The following DHRSX variants were observed in gnomAD, a reference collection of about 807,000 sequenced individuals.
DHRSX encodes polyprenol dehydrogenase.
Under a neutral mutation model 34.0 loss-of-function variants are expected in DHRSX, and 31 were observed. The ratio of observed to expected loss-of-function variants is 0.91; its 90% CI spans 0.69 to 1.23. The LOEUF is 1.23. Among genes scored for constraint, DHRSX ranks in the 50% most tolerant of loss-of-function variants. DHRSX has a pLI of 0.00. For synonymous variants in DHRSX, 201 were observed against 183.8 expected (o/e 1.09, Z -0.76); for missense variants, 414 against 428.1 (o/e 0.97, Z 0.29).
At chrX:2,242,127 T>C (rs1227718253) in intron 6 of DHRSX, among the ~76,000 whole-genome samples, 2 of 152,114 alleles carry the variant, frequency 1.3e-5, no homozygotes, top group African/African-American at 2.4e-5. Flanking sequence ...TTCTCCTCCA[T>C]GGATGAGAAT....
At chrX:2,445,482 G>A (rs2044118389) in intron 1 of DHRSX, among the ~76,000 whole-genome samples, 2 of 151,870 alleles carry the variant, frequency 1.3e-5, no homozygotes, top group African/African-American at 2.4e-5. Flanking sequence ...AATGGTATTT[G>A]CTACTATCTG....
chrX:2,462,995 C>T (rs1451241030), intron 1 of DHRSX, among the ~76,000 whole-genome samples: 2 of 152,024 alleles, frequency 1.3e-5, no homozygotes, highest in Non-Finnish European at 2.9e-5. Context: ...GGATCACTGT[C>T]CTTATAAAAG....
chrX:2,351,814 G>A (rs866385155), intron 3 of DHRSX, among the ~76,000 whole-genome samples: 42 of 152,258 alleles, frequency 2.8e-4, no homozygotes, highest in Non-Finnish European at 1.6e-4. Flanking sequence ...CCACCTCCTC[G>A]ATTCAAGCGA....
intron 3 of DHRSX, among the ~76,000 whole-genome samples, chrX:2,346,665 G>GTTC (rs2042718262): frequency 6.6e-6 from 1 of 150,632 alleles, no homozygotes; most frequent in Non-Finnish European, 1.5e-5. Flanking sequence ...TGTTGTTGTT[G>GTTC]TTTAATACTT....
intron 1 of DHRSX, among the ~76,000 whole-genome samples, chrX:2,479,659 A>G (rs771181217): frequency 6.8e-6 from 1 of 146,310 alleles, no homozygotes; most frequent in East Asian, 2.0e-4. Flanking sequence ...TTCGCTAAGC[A>G]TGTGGCTAAG....
At chrX:2,328,093 G>T (rs1192658687) in intron 3 of DHRSX, among the ~76,000 whole-genome samples, 1 of 70,286 alleles carries the variant, frequency 1.4e-5, no homozygotes, top group Non-Finnish European at 3.3e-5. Flanking sequence ...AAAAAAAAGA[G>T]GAGGAGATGA....
At chrX:2,292,347 G>T (rs1382322197) in intron 3 of DHRSX, among the ~76,000 whole-genome samples, 1 of 152,128 alleles carries the variant, frequency 6.6e-6, no homozygotes, top group Non-Finnish European at 1.5e-5. Context: ...AAGATCCTGA[G>T]CTCCAGAGAG....
intron 3 of DHRSX, among the ~76,000 whole-genome samples, chrX:2,379,167 T>C (rs1407392282): frequency 6.7e-6 from 1 of 150,128 alleles, no homozygotes; most frequent in Non-Finnish European, 1.5e-5. Context: ...CACGTGCCCC[T>C]AACCCTCACG....
At chrX:2,253,962 G>A (rs1395779767) in intron 5 of DHRSX, among the ~76,000 whole-genome samples, 3 of 152,042 alleles carry the variant, frequency 2.0e-5, no homozygotes, top group Non-Finnish European at 4.4e-5. Flanking sequence ...TCGGGAGGTT[G>A]AGGCAGGAGA....
chrX:2,432,942 G>C (rs2043945903), intron 1 of DHRSX, among the ~76,000 whole-genome samples: 1 of 152,086 alleles, frequency 6.6e-6, no homozygotes, highest in Non-Finnish European at 1.5e-5. Context: ...GGGAAACAGA[G>C]AGAGGCCTCA....
At chrX:2,300,698 G>T (rs1407523989) in intron 3 of DHRSX, among the ~76,000 whole-genome samples, 1 of 152,116 alleles carries the variant, frequency 6.6e-6, no homozygotes, top group Non-Finnish European at 1.5e-5. Flanking sequence ...TGGCTTCCTT[G>T]CTCCTCAGCT....
chrX:2,395,883 T>G (rs1266774313), intron 3 of DHRSX, among the ~76,000 whole-genome samples: 8 of 152,162 alleles, frequency 5.3e-5, no homozygotes, highest in Non-Finnish European at 1.0e-4. Flanking sequence ...ATTCTATTCC[T>G]GCCCGATCTA....
chrX:2,304,324 G>A (rs867915812), intron 3 of DHRSX, among the ~76,000 whole-genome samples: 1 of 149,872 alleles, frequency 6.7e-6, no homozygotes, highest in Non-Finnish European at 1.5e-5. Flanking sequence ...TGGATGGATG[G>A]ATGGATGGAT....
At chrX:2,387,266 G>T (rs1205575408) in intron 3 of DHRSX, among the ~76,000 whole-genome samples, 1 of 152,168 alleles carries the variant, frequency 6.6e-6, no homozygotes, top group Non-Finnish European at 1.5e-5. Context: ...CCTATCAACT[G>T]AGGCAGCAGG....
rs1408913973 is a variant in DHRSX at position 2,349,995 on chromosome X, C to G, written c.287-58392G>C. 3.3e-5 allele frequency among the ~76,000 whole-genome samples: 5 copies of G among 151,498 alleles called. No individual in the cohort carries two copies. The Admixed American group carries it at 3.3e-4, about 10-fold the overall frequency. ...TGGAGCTTGCAGTAAGCCGAGATCG[C>G]GCCACTGCACTCCAGCCTGGGCGAC... On this transcript the variant is annotated intron_variant, in intron 3 of 6. Coordinates refer to ENST00000334651, the MANE Select transcript of DHRSX (RefSeq NM_145177.3).
intron 3 of DHRSX, among the ~76,000 whole-genome samples, chrX:2,368,897 G>A (rs895562444): frequency 3.3e-5 from 5 of 152,172 alleles, no homozygotes; most frequent in East Asian, 1.9e-4. Flanking sequence ...AGCCGAGATC[G>A]CACCACTGCA....
Position 2,472,624 on chromosome X carries a change from C to A in DHRSX, c.109+28193G>T, listed in dbSNP as rs189287378. On this transcript the variant is annotated intron_variant, in intron 1 of 6. Coordinates refer to ENST00000334651, the MANE Select transcript of DHRSX (RefSeq NM_145177.3). The stretch of plus-strand genomic sequence containing the variant: ...GTCACTACTAAAAATACAAAATCAG[C>A]CGAGCATGGTGGCGCATGCCTATAA... Among the ~76,000 whole-genome samples, 515 of 152,132 alleles carry A rather than the reference C, an allele frequency of 3.4e-3. 6 individuals carry two copies. The highest frequency in any genetic ancestry group is 0.012 in the African/African-American group (479 of 41,522).
At chrX:2,307,490 T>C (rs1378406391) in intron 3 of DHRSX, among the ~76,000 whole-genome samples, 1 of 149,152 alleles carries the variant, frequency 6.7e-6, no homozygotes. Flanking sequence ...GGCCGGGGGG[T>C]GGGTGGCTCA....
intron 1 of DHRSX, among the ~76,000 whole-genome samples, chrX:2,452,096 C>T (rs1195371969): frequency 6.6e-6 from 1 of 150,968 alleles, no homozygotes; most frequent in African/African-American, 2.4e-5. Flanking sequence ...GCCATGTACT[C>T]ACTGAAGACG....
Sources: gnomAD v4.1 joint callset for allele counts (sites outside exome capture counted in the v4.1 genomes callset) on GRCh38, gnomAD v4.1.1 for gene constraint, MANE v1.5 for transcripts, NCBI Gene and HGNC (gene_info 2026-07-23, HGNC 2026-07-21) for gene names.